CACNA1H: variants seen among roughly 807,000 people sequenced by gnomAD.
CACNA1H encodes voltage-dependent T-type calcium channel subunit alpha-1H.
A neutral mutation model predicts 192.5 loss-of-function variants in CACNA1H; 149 were observed. That is an observed-to-expected ratio of 0.77 (90% CI 0.68 to 0.89). The LOEUF is 0.89. CACNA1H is among the 40% of genes least tolerant of loss of function. The probability of loss-of-function intolerance (pLI) is 0.00; values close to 1 mark genes in which losing one functional copy is unlikely to be tolerated. For missense variants in CACNA1H, 4,257 were observed against 3,423.5 expected, an observed-to-expected ratio of 1.24 and a Z score of -6.08; for synonymous variants, 2,202 against 1,475.2, an observed-to-expected ratio of 1.49 and a Z score of -11.29.
intron 26 of CACNA1H, 75 bp downstream of exon 26, chr16:1,212,603 C>T (rs964610558): frequency 7.4e-5 from 114 of 1,541,574 alleles, no homozygotes; most frequent in Non-Finnish European, 9.3e-5. Context: ...CATCCCAGGC[C>T]TGCTGGGGTC....
In CACNA1H at chr16:1,209,083, A is replaced by G; in HGVS notation, c.3415A>G (p.Ser1139Gly). ...CAPWGPSGAW[S>G]SRRSSWSSLG... ...CCCCTGGGGCCCCAGTGGCGCCTGG[A>G]GCAGCCGGCGCTCCAGCTGGAGCAG... The change falls in exon 17 of 35, where the codon AGC becomes GGC. Residue 1139 changes from serine to glycine, a missense_variant. Transcript: ENST00000348261. The G allele has an allele frequency of 6.5e-7, 1 of 1,544,650 alleles. No homozygotes were observed. Among genetic ancestry groups the G allele is most frequent in the South Asian group, 1.2e-5 (1 of 82,508 alleles).
Position 1,197,322 on chromosome 16 carries a change from G to A in CACNA1H, c.644-1293G>A, listed in dbSNP as rs188966313. Among the ~76,000 whole-genome samples the A allele has an allele frequency of 9.2e-4, 140 of 152,332 alleles. 1 individual carries two copies. Among genetic ancestry groups the A allele is most frequent in the Non-Finnish European group, 2.4e-4 (16 of 68,036 alleles). On this transcript the variant is annotated intron_variant, in intron 5 of 34. Coordinates refer to ENST00000348261, the MANE Select transcript of CACNA1H (RefSeq NM_021098.3). Reference sequence around the variant, plus strand: ...GTGTGTGGCTCTTGGCCCTTTGCCCGGCACCCACTGTACGTTCAGTCTGCA... The same window carrying A: ...GTGTGTGGCTCTTGGCCCTTTGCCCAGCACCCACTGTACGTTCAGTCTGCA...
At chr16:1,200,855 TGGCTGG>T in intron 8 of CACNA1H, 47 bp downstream of exon 8, 4 of 1,235,570 alleles carry the variant, frequency 3.2e-6, no homozygotes, top group African/African-American at 1.6e-5. Context: ...TGGTGTTAGC[TGGCTGG>T]GGGTGGGGTG....
rs112977180 is a variant in CACNA1H at position 1,167,323 on chromosome 16, C to CAG, written c.299+13287_299+13288insAG. ...TCAGGAACCTTGGATTCCTGACACA[C>CAG]GGGTGCGGGGGCGATATCGGCGCGG... is the stretch of plus-strand genomic sequence containing the variant. On this transcript the variant is annotated intron_variant, in intron 2 of 34. Transcript: ENST00000348261. This position sits in a 1 kb window ranked among gnomAD's most constrained non-coding sequence, Gnocchi z 4.2. Among the ~76,000 whole-genome samples the CAG allele has an allele frequency of 0.13, 19,180 of 152,064 alleles. 3,446 individuals carry two copies. The highest frequency in any genetic ancestry group is 0.4 in the African/African-American group (16,719 of 41,398).
In CACNA1H at chr16:1,220,292, C is replaced by A; in HGVS notation, c.6360C>A (p.Pro2120=). The part of the protein sequence containing the change: ...PWQPTAEPHG[P]EASPVAGGER... ...AGCCCACAGCCGAGCCCCATGGCCCCGAAGCCTCTCCGGTGGCCGGCGGCG... is the reference window on the plus strand; with the variant it reads ...AGCCCACAGCCGAGCCCCATGGCCCAGAAGCCTCTCCGGTGGCCGGCGGCG... The change falls in exon 35 of 35, where the codon CCC becomes CCA. Residue 2120 remains proline (P), a synonymous_variant. Coordinates refer to ENST00000348261, the MANE Select transcript of CACNA1H (RefSeq NM_021098.3). 1 of 1,577,490 alleles carries A rather than the reference C, an allele frequency of 6.3e-7. No individual in the cohort carries two copies.
chr16:1,206,984 C>G lies in CACNA1H; in HGVS notation c.2790-17C>G. ...CCCCTGCCTCCACCCTCAACACGCC[C>G]CTGCCCCCACCCTCAGCATCCTGGG... On this transcript the variant is annotated splice_polypyrimidine_tract_variant and intron_variant, in intron 12 of 34. Coordinates refer to ENST00000348261, the MANE Select transcript of CACNA1H (RefSeq NM_021098.3). 1 of 1,543,884 alleles carries G rather than the reference C, an allele frequency of 6.5e-7. No homozygotes were observed.
intron 2 of CACNA1H, among the ~76,000 whole-genome samples, chr16:1,158,594 G>A (rs926107416): frequency 4.6e-5 from 7 of 152,216 alleles, no homozygotes; most frequent in Admixed American, 6.5e-5. Context: ...CCTCCGGGTC[G>A]GGGCTACCCC....
At chr16:1,202,604 A>G (rs1968102790) in intron 9 of CACNA1H, among the ~76,000 whole-genome samples, 152 bp downstream of exon 9, 1 of 152,012 alleles carries the variant, frequency 6.6e-6, no homozygotes, top group Admixed American at 6.5e-5. Context: ...TGGAGCCCAT[A>G]AGAAGGGGAA....
At chr16:1,201,580 G>T in intron 8 of CACNA1H, 83 bp from the exon 9 acceptor site, 1 of 1,454,144 alleles carries the variant, frequency 6.9e-7, no homozygotes, top group South Asian at 1.4e-5. Context: ...GCCCCCACTC[G>T]AACAGGCAGC....
chr16:1,195,342 A>C lies in CACNA1H; in HGVS notation c.412-90A>C, dbSNP rs1167331362. On this transcript the variant is annotated intron_variant, in intron 3 of 34. Transcript: ENST00000348261. ...GGGGCGGGGCGAGGGGTGTGGCAAG[A>C]CTGGGGGCCGGGCTCTTGCGGGGCT... is the stretch of plus-strand genomic sequence containing the variant. The C allele has an allele frequency of 2.1e-6, 3 of 1,427,736 alleles. No individual in the cohort carries two copies. The African/African-American group carries it at 6.0e-5, about 28-fold the overall frequency. 88.4% of individuals were successfully genotyped at this position (1,427,736 alleles called of 1,614,324 possible).
In CACNA1H at chr16:1,214,989, C is replaced by T. The variant is rs1269507586; in HGVS notation, c.4947C>T (p.Leu1649=). 1 of 1,610,600 alleles carries T rather than the reference C, an allele frequency of 6.2e-7. No homozygotes were observed. The highest frequency in any genetic ancestry group is 1.1e-5 in the South Asian group (1 of 90,330). ...ACCCCCAGTCGCTGGACGAGGCCCT[C>T]AAGTACTGCAACTACGTCTTCACCA... ...YNQPKSLDEA[L]KYCNYVFTIV... is the part of the protein sequence containing the mutation. Residue 1649 remains leucine, a synonymous_variant, in exon 28 of 35, where the codon CTC becomes CTT. Transcript: ENST00000348261.
At chr16:1,174,813 T>C (rs1388228220) in intron 2 of CACNA1H, among the ~76,000 whole-genome samples, 1 of 152,236 alleles carries the variant, frequency 6.6e-6, no homozygotes, top group Admixed American at 6.5e-5. Flanking sequence ...AGAGCCAGGA[T>C]GGCCGAGTTG....
chr16:1,185,250 C>T (rs183838069), intron 2 of CACNA1H, among the ~76,000 whole-genome samples: 1 of 152,318 alleles, frequency 6.6e-6, no homozygotes, highest in East Asian at 1.9e-4. Context: ...GTTCACGGGT[C>T]TGTTGGTGAA....
chr16:1,184,358 CA>C (rs1309908152), intron 2 of CACNA1H, among the ~76,000 whole-genome samples: 3 of 152,248 alleles, frequency 2.0e-5, no homozygotes, highest in African/African-American at 7.2e-5. Flanking sequence ...GACCGAGGCT[CA>C]GGGGTGAATG....
At chr16:1,185,239 T>C (rs1444105836) in intron 2 of CACNA1H, among the ~76,000 whole-genome samples, 2 of 152,236 alleles carry the variant, frequency 1.3e-5, no homozygotes, top group Non-Finnish European at 2.9e-5. Flanking sequence ...ACGTTCCGTT[T>C]GTTCACGGGT....
At chr16:1,178,331 G>T (rs975206981) in intron 2 of CACNA1H, among the ~76,000 whole-genome samples, 4 of 143,930 alleles carry the variant, frequency 2.8e-5, no homozygotes, top group African/African-American at 1.1e-4. Flanking sequence ...CTCATTTACG[G>T]GCTTCTTCTG....
chr16:1,209,938 G>T, intron 17 of CACNA1H, 97 bp from the exon 18 acceptor site: 2 of 862,108 alleles, frequency 2.3e-6, no homozygotes, highest in Non-Finnish European at 3.6e-6. Context: ...AGGCTGAGAA[G>T]GTGCTGGGAG....
At chr16:1,161,116 G>A (rs1253163748) in intron 2 of CACNA1H, among the ~76,000 whole-genome samples, 1 of 152,222 alleles carries the variant, frequency 6.6e-6, no homozygotes, top group African/African-American at 2.4e-5. Context: ...GGCTCCTGCA[G>A]AAAAGGCCTT....
intron 2 of CACNA1H, among the ~76,000 whole-genome samples, chr16:1,182,053 G>A (rs554055208): frequency 1.3e-5 from 2 of 152,324 alleles, no homozygotes; most frequent in South Asian, 2.1e-4. Flanking sequence ...CCACACAGAT[G>A]GACACAACGC....
Sources: gnomAD v4.1 joint callset for allele counts (sites outside exome capture counted in the v4.1 genomes callset) on GRCh38, gnomAD v4.1.1 for gene constraint, Gnocchi (gnomAD v3.1) non-coding constraint, MANE v1.5 for transcripts, NCBI Gene and HGNC (gene_info 2026-07-23, HGNC 2026-07-21) for gene names.